Variants in MMS22L observed in about 807,000 individuals in gnomAD.
The protein encoded by MMS22L is MMS22 like, DNA repair protein.
MMS22L carries 74 observed loss-of-function variants against 159.1 expected under a neutral mutation model. That is an observed-to-expected ratio of 0.47 (90% CI 0.39 to 0.56). The LOEUF (loss-of-function observed/expected upper bound fraction) is 0.56, where lower values mean the gene tolerates loss of function less well. MMS22L is among the 20% of genes least tolerant of loss of function. The probability of loss-of-function intolerance (pLI) is 0.00; values close to 1 mark genes in which losing one functional copy is unlikely to be tolerated. For missense variants in MMS22L, 1,351 were observed against 1,422.1 expected (o/e 0.95, Z 0.80); for synonymous variants, 517 against 506.9 (o/e 1.02, Z -0.27).
In MMS22L at chr6:97,142,368, A is replaced by T. The variant is rs1800681009; in HGVS notation, c.*4438T>A. On this transcript the variant is annotated 3_prime_UTR_variant, in exon 25 of 25. Transcript: ENST00000683635. The stretch of plus-strand genomic sequence containing the variant: ...CATTTGGTAATTTACAATGCAGGTT[A>T]TCACAGTATCAAAATACACCTTATT... The T allele has an allele frequency of 6.6e-6, 1 of 152,488 alleles. No homozygotes were observed. Among genetic ancestry groups the T allele is most frequent in the South Asian group, 2.1e-4 (1 of 4,830 alleles). The allele number at this position is 152,488 out of a possible 1,614,324, so 9.4% of individuals were successfully genotyped here.
chr6:97,206,027 A>G (rs1321375753), intron 14 of MMS22L, among the ~76,000 whole-genome samples: 1 of 152,218 alleles, frequency 6.6e-6, no homozygotes, highest in Admixed American at 6.5e-5. Context: ...GGATAGAATT[A>G]TAATAATTCT....
chr6:97,169,403 GT>G (rs1803297408), intron 19 of MMS22L, among the ~76,000 whole-genome samples: 1 of 152,020 alleles, frequency 6.6e-6, no homozygotes, highest in African/African-American at 2.4e-5. Context: ...AAGCACAGTG[GT>G]ACATCTACTG....
intron 16 of MMS22L, among the ~76,000 whole-genome samples, chr6:97,181,351 AT>A (rs1032254071): frequency 2.0e-5 from 3 of 150,824 alleles, no homozygotes; most frequent in African/African-American, 2.4e-5. Context: ...TATTCATTCT[AT>A]TTTTTTTTCC....
At chr6:97,214,370 AG>A (rs1187909822) in intron 14 of MMS22L, among the ~76,000 whole-genome samples, 1 of 152,234 alleles carries the variant, frequency 6.6e-6, no homozygotes, top group Non-Finnish European at 1.5e-5. Context: ...ATAATAATGT[AG>A]ATGTCATCAA....
chr6:97,221,410 C>A (rs1366673552), intron 14 of MMS22L, among the ~76,000 whole-genome samples: 1 of 151,824 alleles, frequency 6.6e-6, no homozygotes, highest in Non-Finnish European at 1.5e-5. Context: ...TGGAACTCTG[C>A]AAAGCTAATA....
intron 9 of MMS22L, among the ~76,000 whole-genome samples, chr6:97,255,703 C>A (rs1441151618): frequency 6.6e-6 from 1 of 151,958 alleles, no homozygotes; most frequent in Non-Finnish European, 1.5e-5. Flanking sequence ...TTTCTAATTT[C>A]CATCATCTCT....
At chr6:97,269,343 CA>C (rs1815488551) in intron 7 of MMS22L, among the ~76,000 whole-genome samples, 2 of 152,170 alleles carry the variant, frequency 1.3e-5, no homozygotes, top group South Asian at 4.2e-4. Context: ...TTCAGCAAAA[CA>C]GCAGCATATA....
chr6:97,237,712 A>G (rs965238272), intron 11 of MMS22L, among the ~76,000 whole-genome samples: 6 of 152,156 alleles, frequency 3.9e-5, no homozygotes, highest in African/African-American at 1.2e-4. Flanking sequence ...TTAGGGAAAG[A>G]CATTTAGCTT....
At chr6:97,265,856 G>C (rs1359398369) in intron 8 of MMS22L, 1 of 151,922 alleles carries the variant, frequency 6.6e-6, no homozygotes, top group Non-Finnish European at 1.5e-5. Flanking sequence ...CAAGTAGCTG[G>C]GACTACAGGC....
intron 14 of MMS22L, among the ~76,000 whole-genome samples, chr6:97,225,732 C>T (rs79244795): frequency 0.016 from 2,362 of 152,222 alleles, 32 homozygotes; most frequent in Non-Finnish European, 0.023. Context: ...GCCACCACGC[C>T]CGATTAATTT....
At chr6:97,263,546 C>T (rs1180890311) in intron 8 of MMS22L, 98 bp from the exon 9 acceptor site, 17 of 532,772 alleles carry the variant, frequency 3.2e-5, no homozygotes, top group Non-Finnish European at 5.1e-5. Flanking sequence ...ATTTAGATGA[C>T]TAAGAATTTA....
intron 14 of MMS22L, among the ~76,000 whole-genome samples, chr6:97,189,550 C>T (rs969652296): frequency 4.1e-5 from 1 of 24,664 alleles, no homozygotes; most frequent in African/African-American, 2.0e-4. Context: ...GACTCTGTCT[C>T]CAAAAAAAAA....
Position 97,210,576 on chromosome 6 carries a change from T to A in MMS22L, c.2039+18318A>T, listed in dbSNP as rs143726081. On this transcript the variant is annotated intron_variant, in intron 14 of 24. Coordinates refer to ENST00000683635, the MANE Select transcript of MMS22L (RefSeq NM_001350599.2). The stretch of plus-strand genomic sequence containing the variant: ...AGTTATTCAAGTTCCTGGTGCCCAC[T>A]AGTACATTCTAAATGACAAATTCAG... Among the ~76,000 whole-genome samples, 6 of 151,924 alleles carry A rather than the reference T, an allele frequency of 3.9e-5. No individual in the cohort carries two copies. The South Asian group carries it at 1.0e-3, about 26-fold the overall frequency.
chr6:97,165,479 A>G, intron 20 of MMS22L, 22 bp from the exon 21 acceptor site: 1 of 1,591,666 alleles, frequency 6.3e-7, no homozygotes, highest in Non-Finnish European at 8.6e-7. Context: ...AAAAGTAAGA[A>G]ATACTAAGAG....
intron 14 of MMS22L, among the ~76,000 whole-genome samples, chr6:97,225,778 T>C (rs568787090): frequency 6.6e-6 from 1 of 152,184 alleles, no homozygotes; most frequent in African/African-American, 2.4e-5. Flanking sequence ...TTCACCCTGT[T>C]AGCCAGGATG....
At chr6:97,175,031 T>C (rs916820695) in intron 18 of MMS22L, among the ~76,000 whole-genome samples, 3 of 152,204 alleles carry the variant, frequency 2.0e-5, no homozygotes, top group Admixed American at 2.0e-4. Flanking sequence ...TTGGTCTCTG[T>C]TCCCTTTTGC....
At chr6:97,276,271 A>G (rs1366660873) in intron 4 of MMS22L, among the ~76,000 whole-genome samples, 1 of 152,180 alleles carries the variant, frequency 6.6e-6, no homozygotes, top group African/African-American at 2.4e-5. Context: ...ACTTGTCCAA[A>G]ATCTGTCATT....
chr6:97,155,567 G>C (rs1418211159), intron 22 of MMS22L, among the ~76,000 whole-genome samples: 1 of 152,064 alleles, frequency 6.6e-6, no homozygotes, highest in Non-Finnish European at 1.5e-5. Context: ...CGCGGTGTTT[G>C]GTTTTCTCTT....
intron 11 of MMS22L, among the ~76,000 whole-genome samples, chr6:97,239,672 T>C (rs376051703): frequency 6.6e-6 from 1 of 152,156 alleles, no homozygotes. Context: ...CAAGCACTAT[T>C]GGAAGCTGAG....
Sources: allele counts gnomAD v4.1 joint callset (sites outside exome capture counted in the v4.1 genomes callset), GRCh38; gene constraint gnomAD v4.1.1; transcripts MANE v1.5; gene names NCBI Gene and HGNC (gene_info 2026-07-23, HGNC 2026-07-21).